The following TAGLN3 variants were observed in gnomAD, a reference collection of about 807,000 sequenced individuals.
The protein encoded by TAGLN3 is transgelin-3.
TAGLN3 carries 12 observed loss-of-function variants against 25.4 expected under a neutral mutation model. The observed-to-expected ratio is 0.47, with a 90% CI of 0.30 to 0.77. TAGLN3 has a LOEUF of 0.77. Among genes scored for constraint, TAGLN3 ranks in the 30% least tolerant of loss-of-function variants. TAGLN3 has a pLI of 0.06. For synonymous variants in TAGLN3, 96 were observed against 94.8 expected, an observed-to-expected ratio of 1.01 and a Z score of -0.08; for missense variants, 218 against 255.8, an observed-to-expected ratio of 0.85 and a Z score of 1.01.
At chr3:112,005,001 T>C (rs1441132218) in intron 3 of TAGLN3, among the ~76,000 whole-genome samples, 1 of 152,184 alleles carries the variant, frequency 6.6e-6, no homozygotes, top group African/African-American at 2.4e-5. Context: ...ATTACCCTCT[T>C]GATGTCTTTC....
At chr3:112,013,383 T>G (rs781663297) in intron 4 of TAGLN3, 27 bp from the exon 5 acceptor site, 4 of 1,601,946 alleles carry the variant, frequency 2.5e-6, no homozygotes, top group Non-Finnish European at 3.4e-6. Flanking sequence ...CATAATGACA[T>G]TATTCCCTCT....
At chr3:112,001,606 G>T (rs1402760193) in intron 3 of TAGLN3, among the ~76,000 whole-genome samples, 3 of 152,210 alleles carry the variant, frequency 2.0e-5, no homozygotes, top group African/African-American at 7.2e-5. Flanking sequence ...CTATGGTCAT[G>T]GTGTCGTTAA....
chr3:112,003,872 G>A (rs549125447), intron 3 of TAGLN3, among the ~76,000 whole-genome samples: 167 of 152,282 alleles, frequency 1.1e-3, no homozygotes, highest in Non-Finnish European at 1.5e-3. Context: ...TTGCAAACCC[G>A]TAAGTCTGGA....
At chr3:112,003,998 C>T (rs943042386) in intron 3 of TAGLN3, among the ~76,000 whole-genome samples, 2 of 152,338 alleles carry the variant, frequency 1.3e-5, no homozygotes, top group Middle Eastern at 3.4e-3. Context: ...AGATAGACTG[C>T]AGGGTAATTG....
intron 1 of TAGLN3, 110 bp downstream of exon 1, chr3:111,999,224 G>C: frequency 1.7e-6 from 1 of 576,954 alleles, no homozygotes; most frequent in Non-Finnish European, 3.0e-6. Context: ...GCGGGTAGCT[G>C]TGCTTTTCTT....
At chr3:112,004,052 G>C (rs1053843546) in intron 3 of TAGLN3, among the ~76,000 whole-genome samples, 1 of 152,200 alleles carries the variant, frequency 6.6e-6, no homozygotes. Context: ...AAAGCTAAAT[G>C]GTCCAGAAAA....
intron 3 of TAGLN3, among the ~76,000 whole-genome samples, chr3:112,005,283 T>TC (rs1168489930): frequency 1.3e-5 from 2 of 151,964 alleles, no homozygotes; most frequent in South Asian, 2.1e-4. Flanking sequence ...ATGTTGGCTT[T>TC]CCCCCCCACA....
At chr3:112,001,018 T>G (rs2072852597) in intron 3 of TAGLN3, 72 bp downstream of exon 3, 1 of 1,389,270 alleles carries the variant, frequency 7.2e-7, no homozygotes, top group Admixed American at 1.7e-5. Context: ...TAAAAACTGC[T>G]CACAGTGTTC....
Position 112,013,607 on chromosome 3 carries a change from C to G in TAGLN3, c.*56C>G, listed in dbSNP as rs1487327708. 1 of 1,611,876 alleles carries G rather than the reference C, an allele frequency of 6.2e-7. No individual in the cohort carries two copies. Among genetic ancestry groups the G allele is most frequent in the African/African-American group, 1.3e-5 (1 of 74,834 alleles). On this transcript the variant is annotated 3_prime_UTR_variant, in exon 5 of 5. Transcript: ENST00000478951. ...CGAATGTTCCACACCATGGTCTCTA[C>G]GAAAAAGAAATAGTTAGTCACCTTC...
intron 4 of TAGLN3, among the ~76,000 whole-genome samples, chr3:112,012,989 T>G (rs1038520050): frequency 4.6e-5 from 7 of 152,152 alleles, no homozygotes; most frequent in Admixed American, 3.9e-4. Flanking sequence ...GAAGCAGGCT[T>G]CTTCTTAGAA....
At chr3:111,999,894 G>A (rs1057221867) in intron 2 of TAGLN3, among the ~76,000 whole-genome samples, 5 of 152,178 alleles carry the variant, frequency 3.3e-5, no homozygotes, top group Non-Finnish European at 7.3e-5. Flanking sequence ...GTATGTCCTT[G>A]TAATTTCCCC....
intron 2 of TAGLN3, among the ~76,000 whole-genome samples, chr3:112,000,272 G>A (rs2072841047): frequency 2.0e-5 from 3 of 152,006 alleles, no homozygotes; most frequent in African/African-American, 7.3e-5. Context: ...ATATATCTGG[G>A]AAAAAGGTAC....
intron 3 of TAGLN3, among the ~76,000 whole-genome samples, chr3:112,010,052 A>G (rs73853278): frequency 1.4e-4 from 21 of 152,194 alleles, no homozygotes; most frequent in African/African-American, 4.8e-4. Flanking sequence ...AGACTACTAC[A>G]TGAACCCAGA....
chr3:112,004,271 G>C (rs62280161), intron 3 of TAGLN3, among the ~76,000 whole-genome samples: 12,012 of 152,262 alleles, frequency 0.079, 532 homozygotes, highest in African/African-American at 0.1. Flanking sequence ...AAAGGGCAGG[G>C]GTGGGGCCAT....
chr3:112,007,214 G>A lies in TAGLN3; in HGVS notation c.356-4549G>A, dbSNP rs75339716. Among the ~76,000 whole-genome samples, 580 of 152,268 alleles carry A rather than the reference G, an allele frequency of 3.8e-3. 4 individuals carry two copies. The highest frequency in any genetic ancestry group is 0.013 in the African/African-American group (547 of 41,544). On this transcript the variant is annotated intron_variant, in intron 3 of 4. Coordinates refer to ENST00000478951, the MANE Select transcript of TAGLN3 (RefSeq NM_001008272.2). ...CCCATTATCAACATCCCCTACGAAA[G>A]GAGCACATATTGCAAGTAATCAGCC...
In TAGLN3 at chr3:112,011,861, C is replaced by T; in HGVS notation, c.454C>T (p.His152Tyr). The T allele has an allele frequency of 6.2e-7, 1 of 1,613,690 alleles. No homozygotes were observed. The highest frequency in any genetic ancestry group is 8.5e-7 in the Non-Finnish European group (1 of 1,179,770). ...GCYRGEPSWF[H>Y]RKAQQNRRGF... is the part of the protein sequence containing the mutation. ...CTATCGGGGAGAGCCATCCTGGTTT[C>T]ACAGGTAAAAGCCTCTTCCTTGCCC... The change falls in exon 4 of 5, where the codon CAC (histidine) becomes TAC (tyrosine). Residue 152 changes from histidine to tyrosine, a missense_variant. Coordinates refer to ENST00000478951, the MANE Select transcript of TAGLN3 (RefSeq NM_001008272.2).
At chr3:112,001,742 C>T (rs2072863791) in intron 3 of TAGLN3, among the ~76,000 whole-genome samples, 1 of 152,234 alleles carries the variant, frequency 6.6e-6, no homozygotes, top group African/African-American at 2.4e-5. Flanking sequence ...TCTGCTCTCA[C>T]ATGCTCTTTG....
At chr3:111,999,689 A>T in intron 2 of TAGLN3, 87 bp downstream of exon 2, 1 of 1,511,426 alleles carries the variant, frequency 6.6e-7, no homozygotes, top group Non-Finnish European at 8.9e-7. Context: ...CTGCGGGAAG[A>T]GCTGCTGTTG....
intron 3 of TAGLN3, among the ~76,000 whole-genome samples, chr3:112,005,604 C>A (rs922565656): frequency 1.3e-5 from 2 of 151,794 alleles, no homozygotes; most frequent in African/African-American, 4.8e-5. Flanking sequence ...GTATTTCACA[C>A]AGCATGAGAG....
Sources: gnomAD v4.1 joint callset for allele counts (sites outside exome capture counted in the v4.1 genomes callset) on GRCh38, gnomAD v4.1.1 for gene constraint, MANE v1.5 for transcripts, NCBI Gene and HGNC (gene_info 2026-07-23, HGNC 2026-07-21) for gene names.